Variants in TPTE observed in about 807,000 individuals in gnomAD.
The protein encoded by TPTE is transmembrane phosphatase with tensin homology.
A neutral mutation model predicts 84.1 loss-of-function variants in TPTE; 59 were observed. The observed-to-expected ratio is 0.70, with a 90% CI of 0.57 to 0.87. The LOEUF (loss-of-function observed/expected upper bound fraction) is 0.87, where lower values mean the gene tolerates loss of function less well. Ranked by LOEUF, TPTE falls within the 40% of genes least tolerant of loss-of-function variation. TPTE has a pLI of 0.00. For missense variants in TPTE, 382 were observed against 659.6 expected, an observed-to-expected ratio of 0.58 and a Z score of 4.61; for synonymous variants, 130 against 223.5, an observed-to-expected ratio of 0.58 and a Z score of 3.73.
chr21:10,591,060 C>G (rs955810409), intron 18 of TPTE, among the ~76,000 whole-genome samples: 1 of 152,310 alleles, frequency 6.6e-6, no homozygotes, highest in Non-Finnish European at 1.5e-5. Flanking sequence ...CTCCAAAGAG[C>G]CTTGCCCATC....
chr21:10,593,726 T>C (rs1378339783), intron 19 of TPTE, among the ~76,000 whole-genome samples: 4 of 152,306 alleles, frequency 2.6e-5, no homozygotes, highest in African/African-American at 9.6e-5. Context: ...CTGAAGCCCT[T>C]GCTGTGCACA....
rs1291717846 is a variant in TPTE, at chr21:10,565,908, C to G, written c.447-1762C>G. Among the ~76,000 whole-genome samples the G allele has an allele frequency of 2.0e-5, 3 of 152,426 alleles. No homozygotes were observed. In the East Asian group the frequency reaches 5.8e-4, roughly 29 times the overall value. On this transcript the variant is annotated intron_variant, in intron 10 of 23. Transcript: ENST00000618007. ...AGACCTCAATGAAACAACTATACTA[C>G]AAGAGAACATTGGGAAGAATCTCCA...
chr21:10,564,730 A>T (rs1311608656), intron 10 of TPTE, among the ~76,000 whole-genome samples: 1 of 152,312 alleles, frequency 6.6e-6, no homozygotes, highest in African/African-American at 2.4e-5. Flanking sequence ...CATTATATCC[A>T]CACAGTAAAG....
At chr21:10,523,393 G>A (rs1210780859) in intron 1 of TPTE, among the ~76,000 whole-genome samples, 1 of 152,280 alleles carries the variant, frequency 6.6e-6, no homozygotes, top group Non-Finnish European at 1.5e-5. Context: ...CTGGTGCGCT[G>A]CACCCACAAA....
At chr21:10,584,337 C>CTTT (rs58211728) in intron 17 of TPTE, among the ~76,000 whole-genome samples, 4 of 143,778 alleles carry the variant, frequency 2.8e-5, no homozygotes, top group Admixed American at 6.8e-5. Flanking sequence ...CCTAAACTCA[C>CTTT]TTTTTTTTTT....
intron 14 of TPTE, chr21:10,576,665 T>C (rs1195355021): frequency 6.6e-6 from 1 of 152,336 alleles, no homozygotes; most frequent in African/African-American, 2.4e-5. Context: ...GGTACCATAC[T>C]AATCAGTTTT....
intron 10 of TPTE, among the ~76,000 whole-genome samples, chr21:10,564,379 G>A (rs1398443441): frequency 7.2e-5 from 11 of 152,406 alleles, no homozygotes; most frequent in Middle Eastern, 3.4e-3. Context: ...GTGTGGTGCC[G>A]GGCACCTGTA....
chr21:10,566,377 A>G lies in TPTE; in HGVS notation c.447-1293A>G, dbSNP rs566242266. 2.5e-4 allele frequency among the ~76,000 whole-genome samples: 38 copies of G among 152,408 alleles called. No homozygotes were observed. The South Asian group carries it at 7.7e-3, about 31-fold the overall frequency. The stretch of plus-strand genomic sequence containing the variant: ...AATAACAAATCCTGACAAAGATGTG[A>G]AGATAAGAGAACCCTCATACACTGT... On this transcript the variant is annotated intron_variant, in intron 10 of 23. Transcript: ENST00000618007.
intron 18 of TPTE, among the ~76,000 whole-genome samples, chr21:10,591,339 C>A (rs1298940611): frequency 6.6e-6 from 1 of 152,308 alleles, no homozygotes; most frequent in Admixed American, 6.5e-5. Flanking sequence ...GTGCACAATG[C>A]CCAGACTCCA....
At chr21:10,587,467 G>A (rs1600960722) in intron 17 of TPTE, among the ~76,000 whole-genome samples, 1 of 152,252 alleles carries the variant, frequency 6.6e-6, no homozygotes, top group Non-Finnish European at 1.5e-5. Flanking sequence ...AGAACATATG[G>A]TATTTGGTTT....
At chr21:10,567,629 G>T in intron 10 of TPTE, 41 bp from the exon 11 acceptor site, 1 of 1,606,118 alleles carries the variant, frequency 6.2e-7, no homozygotes, top group Non-Finnish European at 8.5e-7. Context: ...ATCTCTTCTT[G>T]CAGGGGGGAA....
intron 3 of TPTE, among the ~76,000 whole-genome samples, chr21:10,535,099 C>A (rs948317384): frequency 6.6e-6 from 1 of 152,306 alleles, no homozygotes; most frequent in Non-Finnish European, 1.5e-5. Flanking sequence ...TGGTTGCTGG[C>A]AATCTTTGGC....
chr21:10,597,156 C>A (rs1251399076), intron 20 of TPTE, among the ~76,000 whole-genome samples: 1 of 152,310 alleles, frequency 6.6e-6, no homozygotes, highest in Non-Finnish European at 1.5e-5. Flanking sequence ...GGAAGTGGGT[C>A]ATTTCAATTT....
intron 7 of TPTE, among the ~76,000 whole-genome samples, chr21:10,548,177 C>T (rs1394453713): frequency 1.1e-4 from 17 of 152,296 alleles, no homozygotes; most frequent in African/African-American, 3.9e-4. Flanking sequence ...ATGCCCAAGT[C>T]TCAGGGCCGA....
chr21:10,549,722 A>G (rs879812562), intron 7 of TPTE, among the ~76,000 whole-genome samples: 6 of 152,310 alleles, frequency 3.9e-5, no homozygotes, highest in African/African-American at 7.2e-5. Context: ...TATTCATATT[A>G]TGGGCATTCC....
chr21:10,556,103 T>TA, intron 8 of TPTE, among the ~76,000 whole-genome samples: 1 of 152,302 alleles, frequency 6.6e-6, no homozygotes. Flanking sequence ...GCAGGTTTGT[T>TA]ACATATTCAT....
At chr21:10,536,865 C>G (rs2074275896) in intron 3 of TPTE, among the ~76,000 whole-genome samples, 1 of 152,308 alleles carries the variant, frequency 6.6e-6, no homozygotes, top group Non-Finnish European at 1.5e-5. Context: ...TAGAGTGGAC[C>G]AAGGGAAGAA....
intron 14 of TPTE, among the ~76,000 whole-genome samples, chr21:10,572,767 C>A (rs1173488455): frequency 6.6e-6 from 1 of 152,294 alleles, no homozygotes; most frequent in Non-Finnish European, 1.5e-5. Context: ...GGTTCTACAT[C>A]TGGAAGCAAG....
At chr21:10,600,138 TTC>T (rs1491125537) in intron 21 of TPTE, among the ~76,000 whole-genome samples, 8 of 144,690 alleles carry the variant, frequency 5.5e-5, no homozygotes, top group African/African-American at 2.2e-4. Flanking sequence ...TTTTTTCTTT[TTC>T]TTTTTTTTTT....
Sources: gnomAD v4.1 joint callset for allele counts (sites outside exome capture counted in the v4.1 genomes callset) on GRCh38, gnomAD v4.1.1 for gene constraint, MANE v1.5 for transcripts, NCBI Gene and HGNC (gene_info 2026-07-23, HGNC 2026-07-21) for gene names.